The following ARNT2 variants were observed in gnomAD, a reference collection of about 807,000 sequenced individuals.
The protein encoded by ARNT2 is ARNT protein 2.
ARNT2 carries 36 observed loss-of-function variants against 91.7 expected under a neutral mutation model. The ratio of observed to expected loss-of-function variants is 0.39; its 90% CI spans 0.30 to 0.52. The LOEUF is 0.52. Among genes scored for constraint, ARNT2 ranks in the 20% least tolerant of loss-of-function variants. The pLI, the probability that ARNT2 is intolerant of heterozygous loss-of-function variation, is 0.72. For missense variants in ARNT2, 775 were observed against 939.3 expected (o/e 0.83, Z 2.29); for synonymous variants, 365 against 347.1 (o/e 1.05, Z -0.57).
intron 5 of ARNT2, 61 bp from the exon 6 acceptor site, chr15:80,508,095 C>A (rs1352193863): frequency 1.2e-5 from 18 of 1,536,048 alleles, no homozygotes; most frequent in Non-Finnish European, 1.5e-5. Flanking sequence ...TCCCCGAACT[C>A]CCTCCTCCAT....
chr15:80,590,466 G>A (rs1029454415), intron 17 of ARNT2, among the ~76,000 whole-genome samples: 2 of 152,226 alleles, frequency 1.3e-5, no homozygotes, highest in Non-Finnish European at 2.9e-5. Flanking sequence ...TTACTGGATA[G>A]GCACAGTGGC....
intron 11 of ARNT2, chr15:80,560,105 T>C (rs960104440): frequency 6.6e-6 from 1 of 152,346 alleles, no homozygotes; most frequent in Non-Finnish European, 1.5e-5. Flanking sequence ...CGTCTTCAGA[T>C]CCTGACTGCA....
At chr15:80,554,610 T>A (rs1898144079) in intron 10 of ARNT2, 1 of 162,600 alleles carries the variant, frequency 6.2e-6, no homozygotes, top group Non-Finnish European at 1.4e-5. Flanking sequence ...TAAACAGGCT[T>A]TTAACAAGTA....
intron 4 of ARNT2, 42 bp from the exon 5 acceptor site, chr15:80,474,968 G>A: frequency 1.3e-6 from 2 of 1,593,822 alleles, no homozygotes; most frequent in Non-Finnish European, 1.7e-6. Context: ...ATCATCCTGG[G>A]TCTGTCAGTG....
chr15:80,515,178 A>T (rs1381322756), intron 8 of ARNT2, among the ~76,000 whole-genome samples: 1 of 152,236 alleles, frequency 6.6e-6, no homozygotes, highest in Non-Finnish European at 1.5e-5. Flanking sequence ...ATAAAATAGC[A>T]TAGCCACTTG....
chr15:80,498,001 T>G (rs1025746916), intron 5 of ARNT2, among the ~76,000 whole-genome samples: 44 of 152,304 alleles, frequency 2.9e-4, no homozygotes, highest in African/African-American at 9.4e-4. Context: ...GTGTTCCTAG[T>G]GTCGTGGTGG....
At chr15:80,564,622 A>G (rs941669668) in intron 12 of ARNT2, among the ~76,000 whole-genome samples, 2 of 152,030 alleles carry the variant, frequency 1.3e-5, no homozygotes, top group Non-Finnish European at 2.9e-5. Context: ...AGCTGAATCC[A>G]TCACCCAAAG....
rs118095403 is a variant in ARNT2, at chr15:80,502,937, C to G, written c.623-5219C>G. On this transcript the variant is annotated intron_variant, in intron 5 of 18. Transcript: ENST00000303329. ...AGGCATCATGGGACCAGCCCAGAGA[C>G]AGGATTACAAAAGAACCAGAGTCCT... 6.4e-4 allele frequency among the ~76,000 whole-genome samples: 98 copies of G among 152,270 alleles called. 4 individuals are homozygous for G. In the East Asian group the frequency reaches 0.019, roughly 29 times the overall value.
chr15:80,488,449 G>A (rs911929117), intron 5 of ARNT2: 1 of 152,030 alleles, frequency 6.6e-6, no homozygotes, highest in Non-Finnish European at 1.5e-5. Flanking sequence ...CCCAAGTGAC[G>A]CCTGAAGAAC....
At chr15:80,443,239 C>T (rs1896222837) in intron 1 of ARNT2, among the ~76,000 whole-genome samples, 1 of 152,210 alleles carries the variant, frequency 6.6e-6, no homozygotes, top group Admixed American at 6.5e-5. Flanking sequence ...GTTCAAGAAA[C>T]TGATAAGGCA....
intron 6 of ARNT2, among the ~76,000 whole-genome samples, chr15:80,510,284 G>T (rs1897323687): frequency 6.6e-6 from 1 of 152,040 alleles, no homozygotes; most frequent in Non-Finnish European, 1.5e-5. Context: ...CTGGTTTGGG[G>T]TTGAGGGGAA....
intron 5 of ARNT2, among the ~76,000 whole-genome samples, chr15:80,507,589 T>C (rs571865196): frequency 6.6e-6 from 1 of 151,510 alleles, no homozygotes. Flanking sequence ...CATCCAGAGG[T>C]GACTGTCAAA....
intron 3 of ARNT2, among the ~76,000 whole-genome samples, chr15:80,466,186 C>T (rs1182020768): frequency 2.6e-5 from 4 of 152,222 alleles, no homozygotes; most frequent in African/African-American, 7.2e-5. Flanking sequence ...ATAAAATTCT[C>T]CTTTCGTATT....
rs181825644 is a variant in ARNT2 at position 80,549,371 on chromosome 15, C to G, written c.878-1828C>G. Among the ~76,000 whole-genome samples the G allele has an allele frequency of 1.6e-4, 25 of 152,230 alleles. No individual in the cohort carries two copies. The East Asian group carries it at 4.8e-3, about 29-fold the overall frequency. On this transcript the variant is annotated intron_variant, in intron 8 of 18. Transcript: ENST00000303329. The stretch of plus-strand genomic sequence containing the variant: ...CAGAGGTAAAAAAAGGTTGATAAAT[C>G]TTACCACATAAAATTTTTGAAATTT...
chr15:80,537,461 C>G (rs1897844344), intron 8 of ARNT2, among the ~76,000 whole-genome samples: 1 of 152,136 alleles, frequency 6.6e-6, no homozygotes, highest in Admixed American at 6.5e-5. Flanking sequence ...AGAATTTATA[C>G]AACTTTATAT....
At position 80,503,999 on chromosome 15, in the gene ARNT2, C is replaced by T. The variant is rs74029846; in HGVS notation, c.623-4157C>T. Among the ~76,000 whole-genome samples the T allele has an allele frequency of 6.1e-3, 932 of 152,300 alleles. 11 individuals carry two copies. Among genetic ancestry groups the T allele is most frequent in the African/African-American group, 0.02 (835 of 41,568 alleles). On this transcript the variant is annotated intron_variant, in intron 5 of 18. Coordinates refer to ENST00000303329, the MANE Select transcript of ARNT2 (RefSeq NM_014862.4). ...TGTGTGCAGGATAGTTCTAGCACAG[C>T]GTGACAGAGCCGGCCCAAGGAGAGC...
rs998299746 is a variant in ARNT2 at position 80,591,818 on chromosome 15, C to G, written c.2055+114C>G. 6.6e-7 allele frequency: 1 copy of G among 1,510,380 alleles called. No homozygotes were observed. The highest frequency in any genetic ancestry group is 8.9e-7 in the Non-Finnish European group (1 of 1,120,890). The allele number at this position is 1,510,380 out of a possible 1,614,324, so 93.6% of individuals were successfully genotyped here. On this transcript the variant is annotated intron_variant, in intron 18 of 18. Coordinates refer to ENST00000303329, the MANE Select transcript of ARNT2 (RefSeq NM_014862.4). The surrounding 1 kb of genome is among the most constrained non-coding windows in gnomAD (Gnocchi z 5.1). ...CCCGATAGCCGTCGTGAGTTCTGGC[C>G]CAGCCTGGGCTCGAGGGAGTCCAGG...
intron 15 of ARNT2, among the ~76,000 whole-genome samples, chr15:80,578,593 G>T (rs940753371): frequency 6.6e-6 from 1 of 151,098 alleles, no homozygotes; most frequent in African/African-American, 2.4e-5. Flanking sequence ...AGCGTGAGGT[G>T]CAGAGCCTGG....
In ARNT2 at chr15:80,437,441, C is replaced by T. The variant is rs998781518; in HGVS notation, c.32-13439C>T. On this transcript the variant is annotated intron_variant, in intron 1 of 18. Transcript: ENST00000303329. Reference sequence around the variant, plus strand: ...TTCCTGAGTATTTCAGATATTTTACCGTGCACATTTACTACTGTACTAATC... The same window carrying T: ...TTCCTGAGTATTTCAGATATTTTACTGTGCACATTTACTACTGTACTAATC... Among the ~76,000 whole-genome samples, 12 of 152,252 alleles carry T rather than the reference C, an allele frequency of 7.9e-5. No individual in the cohort carries two copies. In the South Asian group the frequency reaches 1.2e-3, roughly 16 times the overall value.
Sources: gnomAD v4.1 joint callset for allele counts (sites outside exome capture counted in the v4.1 genomes callset) on GRCh38, gnomAD v4.1.1 for gene constraint, Gnocchi (gnomAD v3.1) non-coding constraint, MANE v1.5 for transcripts, NCBI Gene and HGNC (gene_info 2026-07-23, HGNC 2026-07-21) for gene names.